UBA7: variants seen among roughly 807,000 people sequenced by gnomAD.
UBA7 encodes the protein ubiquitin like modifier activating enzyme 7, also known as ubiquitin-like modifier-activating enzyme 7.
UBA7 carries 88 observed loss-of-function variants against 113.0 expected under a neutral mutation model. The ratio of observed to expected loss-of-function variants is 0.78; its 90% CI spans 0.66 to 0.93. The LOEUF (loss-of-function observed/expected upper bound fraction) is 0.93, where lower values mean the gene tolerates loss of function less well. UBA7 is among the 40% of genes least tolerant of loss of function. The probability of loss-of-function intolerance (pLI) is 0.00; values close to 1 mark genes in which losing one functional copy is unlikely to be tolerated. For missense variants in UBA7, 1,092 were observed against 1,266.4 expected, an observed-to-expected ratio of 0.86 and a Z score of 2.09; for synonymous variants, 459 against 513.0, an observed-to-expected ratio of 0.89 and a Z score of 1.42.
rs752078696 is a variant in UBA7 at position 49,807,890 on chromosome 3, G to A, written c.2561C>T (p.Ala854Val). The A allele has an allele frequency of 6.2e-7, 1 of 1,613,024 alleles. No individual in the cohort carries two copies. Among genetic ancestry groups the A allele is most frequent in the South Asian group, 1.1e-5 (1 of 91,004 alleles). The change falls in exon 21 of 24, where the codon GCC becomes GTC. Residue 854 changes from alanine to valine, a missense_variant. Around this residue, in one of 3 missense-constraint regions of UBA7, gnomAD observed 500 missense variants for 529.3 expected, o/e 0.94. Transcript: ENST00000333486. This position sits in a 1 kb window ranked among gnomAD's most constrained non-coding sequence, Gnocchi z 4.0. ...RIVGQIIPAI[A>V]TTTAAVAGLL... ...GCCTGCCACAGCTGCTGTAGTGGTGGCAATGGCTGGGATAATCTGGCCCAC... is the reference window on the plus strand; with the variant it reads ...GCCTGCCACAGCTGCTGTAGTGGTGACAATGGCTGGGATAATCTGGCCCAC...
chr3:49,813,606 G>A lies in UBA7; in HGVS notation c.98C>T (p.Ala33Val), dbSNP rs111499427. Reference protein sequence around the residue: ...GSPAMQRIQGARVLVSGLQGL... With the variant: ...GSPAMQRIQGVRVLVSGLQGL... ...CTGCAGGCCTGACACCAGGACCCTG[G>A]CTCCCTGAATCCTCTGCATGGCAGG... The change falls in exon 2 of 24, where the codon GCC (alanine) becomes GTC (valine). Residue 33 changes from alanine to valine, a missense_variant. Coordinates refer to ENST00000333486, the MANE Select transcript of UBA7 (RefSeq NM_003335.3). 1.2e-6 allele frequency: 2 copies of A among 1,614,196 alleles called. No individual in the cohort carries two copies. Among genetic ancestry groups the A allele is most frequent in the African/African-American group, 1.3e-5 (1 of 75,076 alleles).
rs753616777 is a variant in UBA7 at position 49,806,145 on chromosome 3, G to C, written c.2736C>G (p.Thr912=). ...CTGGTACCTTCAGACGGTCCCAAGAGGTCCACTTCAGGTGATGGAACTGGG... is the reference window on the plus strand; with the variant it reads ...CTGGTACCTTCAGACGGTCCCAAGACGTCCACTTCAGGTGATGGAACTGGG... ...AIQTFHHLKW[T]SWDRLKVPAG... Residue 912 remains threonine (T), a synonymous_variant, in exon 22 of 24, where the codon ACC becomes ACG. Transcript: ENST00000333486. 1 of 1,601,616 alleles carries C rather than the reference G, an allele frequency of 6.2e-7. No homozygotes were observed. Among genetic ancestry groups the C allele is most frequent in the South Asian group, 1.1e-5 (1 of 88,578 alleles).
rs2081474365 is a variant in UBA7, at chr3:49,807,635, TGA to T, written c.2715+99_2715+100del. 2 of 1,417,178 alleles carry T rather than the reference TGA, an allele frequency of 1.4e-6. No individual in the cohort carries two copies. The highest frequency in any genetic ancestry group is 1.9e-6 in the Non-Finnish European group (2 of 1,054,150). 87.8% of individuals were successfully genotyped at this position (1,417,178 alleles called of 1,614,324 possible). On this transcript the variant is annotated intron_variant, in intron 21 of 23. Coordinates refer to ENST00000333486, the MANE Select transcript of UBA7 (RefSeq NM_003335.3). This position sits in a 1 kb window ranked among gnomAD's most constrained non-coding sequence, Gnocchi z 4.0. ...GAGTCTTCAGGACTTCTGCACAGTC[TGA>T]GTTTCAGTGAGAGCCGGCAGCTAGA... is the stretch of plus-strand genomic sequence containing the variant.
At chr3:49,809,511 G>C in intron 16 of UBA7, 31 bp downstream of exon 16, 3 of 1,613,758 alleles carry the variant, frequency 1.9e-6, no homozygotes, top group Non-Finnish European at 2.5e-6. Flanking sequence ...GTCCCCCTGA[G>C]CCCCCAGCGT....
intron 6 of UBA7, 36 bp from the exon 7 acceptor site, chr3:49,812,242 G>C (rs749347613): frequency 3.1e-6 from 5 of 1,613,140 alleles, no homozygotes; most frequent in Non-Finnish European, 4.2e-6. Flanking sequence ...AATGATCCTT[G>C]AGCCTGAGTA....
intron 21 of UBA7, 147 bp from the exon 22 acceptor site, chr3:49,806,312 C>T (rs1028353786): frequency 1.7e-5 from 12 of 691,848 alleles, no homozygotes; most frequent in Admixed American, 1.6e-4. Context: ...GGGATCTGGG[C>T]CCAGAGTCTC....
intron 6 of UBA7, 50 bp from the exon 7 acceptor site, chr3:49,812,256 C>T: frequency 6.2e-7 from 1 of 1,611,328 alleles, no homozygotes; most frequent in Non-Finnish European, 8.5e-7. Context: ...CTGAGTAGTT[C>T]CCACACCCCA....
In UBA7 at chr3:49,807,806, C is replaced by T. The variant is rs545334951; in HGVS notation, c.2645G>A (p.Arg882His). Residue 882 changes from arginine (R) to histidine (H), a missense_variant, in exon 21 of 24, where the codon CGC becomes CAC. Arg to His is a conservative substitution (Grantham distance 29). This residue lies in a region of UBA7 where 500 missense variants were observed against 529.3 expected (regional missense o/e 0.94). Transcript: ENST00000333486. This position sits in a 1 kb window ranked among gnomAD's most constrained non-coding sequence, Gnocchi z 4.0. ...VSGPRPRSAF[R>H]HSYLHLAENY... ...TTCAGCCAGATGTAGGTAGCTGTGG[C>T]GAAAGGCACTACGAGGCCGTGGCCC... 20 of 1,614,076 alleles carry T rather than the reference C, an allele frequency of 1.2e-5. No homozygotes were observed. The highest frequency in any genetic ancestry group is 3.3e-5 in the Admixed American group (2 of 60,014).
intron 17 of UBA7, 45 bp downstream of exon 17, chr3:49,809,344 AG>A (rs767530067): frequency 1.2e-6 from 2 of 1,602,752 alleles, no homozygotes; most frequent in Non-Finnish European, 1.7e-6. Context: ...CTCTGCTCTG[AG>A]GGGCCACATC....
chr3:49,808,101 G>C lies in UBA7; in HGVS notation c.2442C>G (p.Ser814Arg), dbSNP rs1256935678. 1 of 1,614,036 alleles carries C rather than the reference G, an allele frequency of 6.2e-7. No homozygotes were observed. Among genetic ancestry groups the C allele is most frequent in the Admixed American group, 1.7e-5 (1 of 59,982 alleles). Residue 814 changes from serine (S) to arginine (R), a missense_variant, in exon 20 of 24, where the codon AGC becomes AGG. Physicochemically the swap from Ser to Arg is moderately radical, Grantham distance 110. Transcript: ENST00000333486. Reference sequence around the variant, plus strand: ...CTACCACAAAGTCCACATGGAAGTTGCTGTCATCATCCTGTAAGGCCCAAG... The same window carrying C: ...CTACCACAAAGTCCACATGGAAGTTCCTGTCATCATCCTGTAAGGCCCAAG... ...KPLMFEKDDDSNFHVDFVVAA... is the reference protein window; with the variant it reads ...KPLMFEKDDDRNFHVDFVVAA...
chr3:49,812,411 G>A lies in UBA7; in HGVS notation c.691C>T (p.Arg231Trp), dbSNP rs769351638. 24 of 1,614,062 alleles carry A rather than the reference G, an allele frequency of 1.5e-5. No homozygotes were observed. The highest frequency in any genetic ancestry group is 1.6e-4 in the Middle Eastern group (1 of 6,084). ...NDCDPRSIHV[R>W]EDGSLEIGDT... is the part of the protein sequence containing the mutation. ...AATTGGAATGGGATTGGCTTACCCC[G>A]CACGTGGATAGACCGGGGATCACAG... Residue 231 changes from arginine (R) to tryptophan (W), a missense_variant, in exon 6 of 24, where the codon CGG becomes TGG. Physicochemically the swap from Arg to Trp is moderately radical, Grantham distance 101. Around this residue, in one of 3 missense-constraint regions of UBA7, gnomAD observed 584 missense variants for 714.5 expected, o/e 0.82. Coordinates refer to ENST00000333486, the MANE Select transcript of UBA7 (RefSeq NM_003335.3).
In UBA7 at chr3:49,805,431, T is replaced by TGACTGCTGAACCA; in HGVS notation, c.2915_2916insTGGTTCAGCAGTC (p.Glu973GlyfsTer29). ...GGCCTGTCAGCTGCTGAACCAGTTC[T>TGACTGCTGAACCA]GTCACCCTGGTAGGGGTGGGTTTAG... On this transcript the variant is annotated frameshift_variant, in exon 24 of 24. Coordinates refer to ENST00000333486, the MANE Select transcript of UBA7 (RefSeq NM_003335.3). LOFTEE classifies it high-confidence loss of function. The TGACTGCTGAACCA allele has an allele frequency of 6.3e-7, 1 of 1,594,722 alleles. No individual in the cohort carries two copies. Among genetic ancestry groups the TGACTGCTGAACCA allele is most frequent in the Non-Finnish European group, 8.5e-7 (1 of 1,172,770 alleles).
intron 23 of UBA7, 128 bp downstream of exon 23, chr3:49,805,769 T>C (rs1051697823): frequency 2.5e-5 from 24 of 958,340 alleles, no homozygotes; most frequent in Non-Finnish European, 3.5e-5. Flanking sequence ...CTGGCTCCAT[T>C]TGGGGAAAGA....
In UBA7 at chr3:49,811,921, T is replaced by G; in HGVS notation, c.888A>C (p.Ala296=). Reference sequence around the variant, plus strand: ...CATGGAGGTGCTGGAACTTGTGCAGTGCACAGAAGGCCTGATGCAGGCAGT... The same window carrying G: ...CATGGAGGTGCTGGAACTTGTGCAGGGCACAGAAGGCCTGATGCAGGCAGT... ...HAHCLHQAFC[A]LHKFQHLHGR... Residue 296 remains alanine (A), a synonymous_variant, in exon 8 of 24, where the codon GCA becomes GCC. Transcript: ENST00000333486. 4 of 1,614,122 alleles carry G rather than the reference T, an allele frequency of 2.5e-6. No individual in the cohort carries two copies. The highest frequency in any genetic ancestry group is 3.4e-6 in the Non-Finnish European group (4 of 1,180,032).
In UBA7 at chr3:49,809,394, T is replaced by C. The variant is rs777943530; in HGVS notation, c.2159A>G (p.Asn720Ser). ...TCCCTACAGAATCCCACTCACTTGG[T>C]TGGTGTCAAACTCCAAGGGCTGGGG... is the stretch of plus-strand genomic sequence containing the variant. ...QCPQPLEFDT[N>S]QDTHLLYVLA... The change falls in exon 17 of 24, where the codon AAC becomes AGC. Residue 720 changes from asparagine to serine, a missense_variant. Physicochemically the swap from Asn to Ser is conservative, Grantham distance 46. Transcript: ENST00000333486. The C allele has an allele frequency of 1.2e-6, 2 of 1,614,072 alleles. No homozygotes were observed. Among genetic ancestry groups the C allele is most frequent in the African/African-American group, 1.3e-5 (1 of 75,046 alleles).
At chr3:49,811,589 G>C (rs2081548609) in intron 8 of UBA7, 134 bp from the exon 9 acceptor site, 1 of 1,328,480 alleles carries the variant, frequency 7.5e-7, no homozygotes, top group Admixed American at 2.3e-5. Context: ...GCCTGGCCCT[G>C]CTGCCAGCCT....
rs762634620 is a variant in UBA7, at chr3:49,807,850, C to T, written c.2601G>A (p.Glu867=). Residue 867 remains glutamate, a synonymous_variant, in exon 21 of 24, where the codon GAG becomes GAA. Coordinates refer to ENST00000333486, the MANE Select transcript of UBA7 (RefSeq NM_003335.3). The surrounding 1 kb of genome is among the most constrained non-coding windows in gnomAD (Gnocchi z 4.0). Reference sequence around the variant, plus strand: ...GTGGCCCACTCACCACCTTATACAGCTCCAGGCCCAACAGGCCTGCCACAG... The same window carrying T: ...GTGGCCCACTCACCACCTTATACAGTTCCAGGCCCAACAGGCCTGCCACAG... ...TAAVAGLLGL[E]LYKVVSGPRP... The T allele has an allele frequency of 1.9e-6, 3 of 1,614,014 alleles. No homozygotes were observed. The highest frequency in any genetic ancestry group is 2.2e-5 in the East Asian group (1 of 44,868).
chr3:49,809,489 G>A (rs750124845), intron 16 of UBA7, 25 bp from the exon 17 acceptor site: 7 of 1,614,016 alleles, frequency 4.3e-6, no homozygotes, highest in East Asian at 2.2e-5. Context: ...AGAAGCTGCT[G>A]GGCTCAGTCT....
intron 8 of UBA7, 89 bp from the exon 9 acceptor site, chr3:49,811,544 T>A: frequency 6.6e-7 from 1 of 1,509,988 alleles, no homozygotes; most frequent in Non-Finnish European, 8.9e-7. Context: ...TCCACCCTGT[T>A]CCACAGAAGA....
Sources: gnomAD v4.1 joint callset for allele counts on GRCh38, gnomAD v4.1.1 for gene constraint, gnomAD v4.1.1 regional missense constraint, Gnocchi (gnomAD v3.1) non-coding constraint, MANE v1.5 for transcripts, NCBI Gene and HGNC (gene_info 2026-07-23, HGNC 2026-07-21) for gene names.